The following PLXDC2 variants were observed in gnomAD, a reference collection of about 807,000 sequenced individuals.
PLXDC2 encodes plexin domain-containing protein 2.
A neutral mutation model predicts 68.9 loss-of-function variants in PLXDC2; 40 were observed. The observed-to-expected ratio is 0.58, with a 90% CI of 0.45 to 0.76. PLXDC2 has a LOEUF of 0.76. Among genes scored for constraint, PLXDC2 ranks in the 30% least tolerant of loss-of-function variants. PLXDC2 has a pLI of 0.00. For synonymous variants in PLXDC2, 243 were observed against 234.2 expected (o/e 1.04, Z -0.34); for missense variants, 644 against 661.9 (o/e 0.97, Z 0.30).
intron 4 of PLXDC2, among the ~76,000 whole-genome samples, chr10:20,140,442 C>CTATCT (rs34794355): frequency 0.46 from 66,983 of 145,122 alleles, 16,309 homozygotes; most frequent in Admixed American, 0.5. Flanking sequence ...TCTATCTATC[C>CTATCT]GTCTAATCTT....
rs1267573164 is a variant in PLXDC2, at chr10:20,284,103, A to G, written c.*4284A>G. 1.3e-5 allele frequency: 2 copies of G among 152,078 alleles called. No homozygotes were observed. The highest frequency in any genetic ancestry group is 1.9e-4 in the East Asian group (1 of 5,148). 9.4% of individuals were successfully genotyped at this position (152,078 alleles called of 1,614,324 possible). A position where few individuals can be genotyped will look rare whatever the true frequency, so the allele number is the denominator to read the frequency against. On this transcript the variant is annotated 3_prime_UTR_variant, in exon 14 of 14. Coordinates refer to ENST00000377252, the MANE Select transcript of PLXDC2 (RefSeq NM_032812.9). Reference sequence around the variant, plus strand: ...GTTTATGATAGGAAATTAATATTTAAATAAGACTAATTGAAAACTAGATTA... The same window carrying G: ...GTTTATGATAGGAAATTAATATTTAGATAAGACTAATTGAAAACTAGATTA...
chr10:19,837,326 G>C (rs969709949), intron 1 of PLXDC2, among the ~76,000 whole-genome samples: 1 of 151,840 alleles, frequency 6.6e-6, no homozygotes, highest in South Asian at 2.1e-4. Context: ...TTTCAGGATA[G>C]ATCATACGGT....
At chr10:19,819,266 T>C (rs1314620589) in intron 1 of PLXDC2, among the ~76,000 whole-genome samples, 2 of 152,272 alleles carry the variant, frequency 1.3e-5, no homozygotes, top group South Asian at 2.1e-4. Context: ...ATTGATAGGA[T>C]TGATTTTTAA....
chr10:19,901,366 A>G (rs1589527305), intron 1 of PLXDC2, among the ~76,000 whole-genome samples: 1 of 152,136 alleles, frequency 6.6e-6, no homozygotes, highest in African/African-American at 2.4e-5. Flanking sequence ...GATTATGGCC[A>G]TTCTTGCAGG....
At chr10:20,096,911 T>C (rs961682848) in intron 4 of PLXDC2, among the ~76,000 whole-genome samples, 1 of 152,110 alleles carries the variant, frequency 6.6e-6, no homozygotes, top group Non-Finnish European at 1.5e-5. Flanking sequence ...GTTTCTTTCC[T>C]ACATTAAAAA....
At chr10:20,131,027 T>A (rs1833860053) in intron 4 of PLXDC2, among the ~76,000 whole-genome samples, 1 of 152,136 alleles carries the variant, frequency 6.6e-6, no homozygotes, top group African/African-American at 2.4e-5. Context: ...CTCTTCAAAT[T>A]TTTTGGAAGA....
At chr10:20,144,115 G>A (rs774554944) in intron 5 of PLXDC2, among the ~76,000 whole-genome samples, 2 of 151,960 alleles carry the variant, frequency 1.3e-5, no homozygotes, top group Non-Finnish European at 2.9e-5. Context: ...CTGTAACTTT[G>A]GTAGAGAAAA....
intron 1 of PLXDC2, among the ~76,000 whole-genome samples, chr10:19,926,184 A>G (rs972158768): frequency 3.3e-5 from 5 of 152,188 alleles, no homozygotes; most frequent in East Asian, 1.9e-4. Flanking sequence ...TCACACAGCA[A>G]TCTCTGCCTG....
chr10:20,194,930 G>A (rs1304747598), intron 9 of PLXDC2, among the ~76,000 whole-genome samples: 2 of 151,742 alleles, frequency 1.3e-5, no homozygotes, highest in African/African-American at 2.4e-5. Context: ...ACGGAAAAAG[G>A]TGCTTCTCTT....
At position 20,197,763 on chromosome 10, in the gene PLXDC2, A is replaced by C. The variant is rs184445294; in HGVS notation, c.1062-13906A>C. ...AACCTCCACCTCCTGGGTTCCAGCAACTCTCCCCGCTCAGCCTCCCAAGTA... is the reference window on the plus strand; with the variant it reads ...AACCTCCACCTCCTGGGTTCCAGCACCTCTCCCCGCTCAGCCTCCCAAGTA... On this transcript the variant is annotated intron_variant, in intron 9 of 13. Transcript: ENST00000377252. 8.6e-3 allele frequency among the ~76,000 whole-genome samples: 1,308 copies of C among 151,478 alleles called. 8 individuals carry two copies. Among genetic ancestry groups the C allele is most frequent in the Middle Eastern group, 0.024 (7 of 288 alleles).
At chr10:19,847,066 G>A (rs562428317) in intron 1 of PLXDC2, among the ~76,000 whole-genome samples, 11 of 152,076 alleles carry the variant, frequency 7.2e-5, no homozygotes, top group Admixed American at 2.0e-4. Context: ...ACCTCCCCCC[G>A]GGTCCCTCCC....
At chr10:20,241,539 A>C (rs1435442153) in intron 12 of PLXDC2, among the ~76,000 whole-genome samples, 1 of 152,182 alleles carries the variant, frequency 6.6e-6, no homozygotes, top group African/African-American at 2.4e-5. Flanking sequence ...TAATCCCAGC[A>C]CTTTGGGAGG....
At chr10:20,053,808 T>C (rs2131691458) in intron 3 of PLXDC2, among the ~76,000 whole-genome samples, 1 of 152,194 alleles carries the variant, frequency 6.6e-6, no homozygotes. Context: ...CTGGCCTCTT[T>C]GCACCTCAAT....
intron 1 of PLXDC2, among the ~76,000 whole-genome samples, chr10:19,982,191 A>G (rs192197311): frequency 9.2e-5 from 14 of 152,360 alleles, no homozygotes; most frequent in African/African-American, 3.4e-4. Context: ...TATGACAATG[A>G]AGGAGTCATT....
chr10:20,172,849 A>T (rs1016225987), intron 7 of PLXDC2, among the ~76,000 whole-genome samples: 2 of 152,212 alleles, frequency 1.3e-5, no homozygotes, highest in African/African-American at 4.8e-5. Flanking sequence ...TGACAGGAAA[A>T]TCTAAAAGGC....
At chr10:20,068,270 T>A in intron 4 of PLXDC2, 31 bp downstream of exon 4, 1 of 1,531,424 alleles carries the variant, frequency 6.5e-7, no homozygotes, top group African/African-American at 1.4e-5. Context: ...TCACCTTAAG[T>A]AATCTATGGT....
In PLXDC2 at chr10:20,176,972, A is replaced by C. The variant is rs188199848; in HGVS notation, c.884-27A>C. 1.5e-4 allele frequency: 234 copies of C among 1,515,994 alleles called. No individual in the cohort carries two copies. The African/African-American group carries it at 2.6e-3, about 17-fold the overall frequency. The allele number at this position is 1,515,994 out of a possible 1,614,324, so 93.9% of individuals were successfully genotyped here. On this transcript the variant is annotated intron_variant, in intron 7 of 13. Transcript: ENST00000377252. Reference sequence around the variant, plus strand: ...TTTTGTAAGCGAGGAAAGGTTAAAAATTGATTTTTTTTCCTTTTTTTTCTA... The same window carrying C: ...TTTTGTAAGCGAGGAAAGGTTAAAACTTGATTTTTTTTCCTTTTTTTTCTA...
intron 13 of PLXDC2, among the ~76,000 whole-genome samples, chr10:20,260,927 C>T (rs1835801889): frequency 6.6e-6 from 1 of 152,122 alleles, no homozygotes; most frequent in African/African-American, 2.4e-5. Flanking sequence ...ATTTTGACTT[C>T]CATTTCCTGA....
At chr10:20,012,577 T>G (rs1243955071) in intron 2 of PLXDC2, among the ~76,000 whole-genome samples, 1 of 151,840 alleles carries the variant, frequency 6.6e-6, no homozygotes, top group Non-Finnish European at 1.5e-5. Context: ...CCATCCACCT[T>G]GGCCTCCCAA....
Sources: gnomAD v4.1 joint callset for allele counts (sites outside exome capture counted in the v4.1 genomes callset) on GRCh38, gnomAD v4.1.1 for gene constraint, MANE v1.5 for transcripts, NCBI Gene and HGNC (gene_info 2026-07-23, HGNC 2026-07-21) for gene names.